Variants in COL11A1 observed in about 807,000 individuals in gnomAD.
COL11A1 encodes collagen alpha-1(XI) chain.
In COL11A1, 74 loss-of-function variants were observed where a neutral mutation model predicts 265.2. That is an observed-to-expected ratio of 0.28 (90% CI 0.23 to 0.34). The LOEUF (loss-of-function observed/expected upper bound fraction) is 0.34, where lower values mean the gene tolerates loss of function less well. COL11A1 is among the 10% of genes least tolerant of loss of function. The pLI is 1.00. For synonymous variants in COL11A1, 816 were observed against 727.6 expected, an observed-to-expected ratio of 1.12 and a Z score of -1.96; for missense variants, 2,165 against 2,263.6, an observed-to-expected ratio of 0.96 and a Z score of 0.88.
chr1:103,092,396 T>C (rs1030064233), intron 1 of COL11A1, among the ~76,000 whole-genome samples: 1 of 152,160 alleles, frequency 6.6e-6, no homozygotes, highest in African/African-American at 2.4e-5. Flanking sequence ...ACAAGTCTTT[T>C]ATGGTTTACT....
chr1:102,905,613 C>T (rs915838993), intron 54 of COL11A1, among the ~76,000 whole-genome samples: 20 of 151,182 alleles, frequency 1.3e-4, no homozygotes, highest in Non-Finnish European at 2.9e-5. Flanking sequence ...TTAAACTGGT[C>T]TTAAATATCT....
At chr1:103,091,336 C>A (rs1673304997) in intron 1 of COL11A1, among the ~76,000 whole-genome samples, 1 of 151,814 alleles carries the variant, frequency 6.6e-6, no homozygotes. Context: ...TAAATACTCC[C>A]ATATTTGAAA....
chr1:102,913,503 T>A, intron 53 of COL11A1, 134 bp downstream of exon 53: 1 of 780,630 alleles, frequency 1.3e-6, no homozygotes, highest in Non-Finnish European at 2.1e-6. Context: ...ATTCAAAAAT[T>A]TTTTTGATAA....
rs532957604 is a variant in COL11A1, at chr1:103,026,280, T to A, written c.833A>T (p.Tyr278Phe). 2 of 1,613,834 alleles carry A rather than the reference T, an allele frequency of 1.2e-6. No individual in the cohort carries two copies. The highest frequency in any genetic ancestry group is 2.2e-5 in the South Asian group (2 of 91,078). Residue 278 changes from tyrosine (Y) to phenylalanine (F), a missense_variant, in exon 6 of 67, where the codon TAT becomes TTT. By Grantham distance (22) the Tyr-to-Phe change is conservative. Coordinates refer to ENST00000370096, the MANE Select transcript of COL11A1 (RefSeq NM_001854.4). Reference sequence around the variant, plus strand: ...CTCTGTTACACTTTCAGCCTCTTTATACTCTGCTTCCCCATACTCATAGTC... The same window carrying A: ...CTCTGTTACACTTTCAGCCTCTTTAAACTCTGCTTCCCCATACTCATAGTC... Reference protein sequence around the residue: ...EYDYEYGEAEYKEAESVTEGP... With the variant: ...EYDYEYGEAEFKEAESVTEGP...
chr1:103,039,213 C>T (rs1308734992), intron 4 of COL11A1, among the ~76,000 whole-genome samples: 1 of 152,140 alleles, frequency 6.6e-6, no homozygotes, highest in Non-Finnish European at 1.5e-5. Context: ...AACCAAGTTT[C>T]AAGAATCAAT....
At chr1:103,070,524 C>A (rs114765954) in intron 4 of COL11A1, among the ~76,000 whole-genome samples, 2,193 of 151,844 alleles carry the variant, frequency 0.014, 42 homozygotes, top group African/African-American at 0.05. Context: ...TAAAAAGCTA[C>A]TTCATGATTG....
In COL11A1 at chr1:103,031,232, G is replaced by T; in HGVS notation, c.664C>A (p.Gln222Lys). 2 of 1,576,740 alleles carry T rather than the reference G, an allele frequency of 1.3e-6. No individual in the cohort carries two copies. Among genetic ancestry groups the T allele is most frequent in the Non-Finnish European group, 1.7e-6 (2 of 1,168,564 alleles). Residue 222 changes from glutamine to lysine, a missense_variant, in exon 5 of 67, where the codon CAG (glutamine) becomes AAG (lysine). Gln to Lys is a moderately conservative substitution (Grantham distance 53, BLOSUM62 1). Transcript: ENST00000370096. ...TTGGGATCACCTGTGATCAAAAACTGCTGAATGTCCCCCTGGGAAAAAAAA... is the reference window on the plus strand; with the variant it reads ...TTGGGATCACCTGTGATCAAAAACTTCTGAATGTCCCCCTGGGAAAAAAAA... The part of the protein sequence containing the change: ...DEEVFEGDIQ[Q>K]FLITGDPKAA...
rs1447728340 is a variant in COL11A1 at position 102,921,551 on chromosome 1, G to A, written c.3675C>T (p.Gly1225=). 6 of 1,613,048 alleles carry A rather than the reference G, an allele frequency of 3.7e-6. No homozygotes were observed. In the African/African-American group the frequency reaches 8.0e-5, roughly 22 times the overall value. ...CATTGGGACCTTGAGGGCCTCTTGGGCCTGGAGGACCAGGTGGCCCCTGTA... is the reference window on the plus strand; with the variant it reads ...CATTGGGACCTTGAGGGCCTCTTGGACCTGGAGGACCAGGTGGCCCCTGTA... The part of the protein sequence containing the change: ...VGPMGPPGPP[G]PRGPQGPNGA... The change falls in exon 48 of 67, where the codon GGC becomes GGT. Residue 1225 remains glycine (G), a synonymous_variant. Coordinates refer to ENST00000370096, the MANE Select transcript of COL11A1 (RefSeq NM_001854.4).
intron 38 of COL11A1, among the ~76,000 whole-genome samples, chr1:102,964,010 T>C (rs894833261): frequency 3.9e-5 from 6 of 152,152 alleles, no homozygotes; most frequent in African/African-American, 1.4e-4. Flanking sequence ...GTTTTTTTTC[T>C]CTTAAAAAGG....
chr1:102,978,192 A>C (rs1472682913), intron 35 of COL11A1, among the ~76,000 whole-genome samples: 1 of 152,174 alleles, frequency 6.6e-6, no homozygotes, highest in Non-Finnish European at 1.5e-5. Flanking sequence ...ATGCTTGTTC[A>C]TATGTATTTG....
chr1:102,974,488 T>A (rs184482241), intron 36 of COL11A1, among the ~76,000 whole-genome samples: 4 of 152,134 alleles, frequency 2.6e-5, no homozygotes, highest in African/African-American at 9.7e-5. Flanking sequence ...TGATGGAAGA[T>A]AAAGATAAAT....
chr1:102,891,560 C>T (rs1216306358), intron 57 of COL11A1, among the ~76,000 whole-genome samples: 1 of 151,876 alleles, frequency 6.6e-6, no homozygotes, highest in Non-Finnish European at 1.5e-5. Flanking sequence ...GACTTTCGAA[C>T]AAACTGTTTT....
At chr1:103,074,568 C>T in intron 4 of COL11A1, 50 bp downstream of exon 4, 1 of 1,596,120 alleles carries the variant, frequency 6.3e-7, no homozygotes, top group Non-Finnish European at 8.6e-7. Context: ...GTTGTTAACC[C>T]AGTTCATCTG....
chr1:102,943,261 AT>A (rs949395605), intron 42 of COL11A1, among the ~76,000 whole-genome samples: 2 of 151,694 alleles, frequency 1.3e-5, no homozygotes, highest in African/African-American at 2.4e-5. Flanking sequence ...TCTATAGTCC[AT>A]TTTTTTTCTT....
At chr1:103,040,727 C>T (rs1374806716) in intron 4 of COL11A1, among the ~76,000 whole-genome samples, 2 of 151,336 alleles carry the variant, frequency 1.3e-5, no homozygotes, top group Non-Finnish European at 3.0e-5. Flanking sequence ...CATTTTGAGA[C>T]CTCTTTTTAA....
chr1:103,070,184 C>T (rs1440057110), intron 4 of COL11A1, among the ~76,000 whole-genome samples: 1 of 144,716 alleles, frequency 6.9e-6, no homozygotes, highest in Admixed American at 7.1e-5. Context: ...TTTGGTGTAG[C>T]TATGTGTTAA....
intron 49 of COL11A1, among the ~76,000 whole-genome samples, chr1:102,920,064 G>A (rs766770469): frequency 1.3e-5 from 2 of 152,036 alleles, no homozygotes; most frequent in Non-Finnish European, 1.5e-5. Context: ...TAAGGACACC[G>A]TAATTGTGAG....
chr1:103,022,996 G>A lies in COL11A1; in HGVS notation c.991C>T (p.Pro331Ser), dbSNP rs767032677. 5 of 1,611,338 alleles carry A rather than the reference G, an allele frequency of 3.1e-6. No homozygotes were observed. The Admixed American group carries it at 6.7e-5, about 21-fold the overall frequency. ...GTAAATATTTCTTCAACTGGATTTG[G>A]CTATTAATTTAAATTGCAAGGAATT... is the stretch of plus-strand genomic sequence containing the variant. ...APRHVSGTNE[P>S]NPVEEIFTEE... Residue 331 changes from proline (P) to serine (S), a missense_variant and splice_region_variant, in exon 8 of 67, where the codon CCA (proline) becomes TCA (serine). Pro to Ser is a moderately conservative substitution (Grantham distance 74). Coordinates refer to ENST00000370096, the MANE Select transcript of COL11A1 (RefSeq NM_001854.4).
At chr1:102,961,821 A>T in intron 41 of COL11A1, 45 bp downstream of exon 41, 1 of 1,554,954 alleles carries the variant, frequency 6.4e-7, no homozygotes, top group Non-Finnish European at 8.9e-7. Context: ...AAGAGCTGTA[A>T]TTCACAACCA....
Sources: gnomAD v4.1 joint callset for allele counts (sites outside exome capture counted in the v4.1 genomes callset) on GRCh38, gnomAD v4.1.1 for gene constraint, MANE v1.5 for transcripts, NCBI Gene and HGNC (gene_info 2026-07-23, HGNC 2026-07-21) for gene names.